CYP2C18: variants seen among roughly 807,000 people sequenced by gnomAD.
CYP2C18 encodes the protein cytochrome P450 2C18.
In CYP2C18, 38 loss-of-function variants were observed where a neutral mutation model predicts 41.3. The observed-to-expected ratio is 0.92, with a 90% CI of 0.71 to 1.21. The LOEUF is 1.21. CYP2C18 is among the 50% of genes most tolerant of loss of function. The probability of loss-of-function intolerance (pLI) is 0.00; values close to 1 mark genes in which losing one functional copy is unlikely to be tolerated. For synonymous variants in CYP2C18, 236 were observed against 210.0 expected, an observed-to-expected ratio of 1.12 and a Z score of -1.07; for missense variants, 635 against 591.4, an observed-to-expected ratio of 1.07 and a Z score of -0.77.
rs141271146 is a variant in CYP2C18 at position 94,694,991 on chromosome 10, C to T, written c.556C>T (p.Arg186Ter). 2.2e-5 allele frequency: 36 copies of T among 1,612,992 alleles called. No individual in the cohort carries two copies. Among genetic ancestry groups the T allele is most frequent in the African/African-American group, 6.7e-5 (5 of 74,846 alleles). ...GATCTGCTCTGTTATTTTCCATGAT[C>T]GATTTGATTATAAAGATCAGAGGTT... ...NVICSVIFHD[R>*]FDYKDQRFLN... is the part of the protein sequence containing the mutation. The change falls in exon 4 of 9, where the codon CGA becomes TGA. Residue 186 changes from arginine (R) to a stop codon, truncating the protein, a stop_gained. Coordinates refer to ENST00000285979, the MANE Select transcript of CYP2C18 (RefSeq NM_000772.3). LOFTEE classifies it high-confidence loss of function.
chr10:94,724,922 C>T (rs1847713442), intron 7 of CYP2C18, among the ~76,000 whole-genome samples: 1 of 151,884 alleles, frequency 6.6e-6, no homozygotes. Context: ...TTGAATCTTT[C>T]AATTCATGGA....
intron 5 of CYP2C18, among the ~76,000 whole-genome samples, chr10:94,707,239 T>A (rs1056242056): frequency 2.0e-5 from 3 of 152,186 alleles, no homozygotes; most frequent in Non-Finnish European, 4.4e-5. Context: ...TATAGCATCA[T>A]AAATTGAAGG....
intron 5 of CYP2C18, among the ~76,000 whole-genome samples, chr10:94,711,531 C>T (rs1224019726): frequency 6.6e-6 from 1 of 152,078 alleles, no homozygotes; most frequent in Non-Finnish European, 1.5e-5. Context: ...CCTCAGCCTC[C>T]CCAGTAGTTG....
Position 94,735,525 on chromosome 10 carries a change from C to A in CYP2C18, c.*81C>A. On this transcript the variant is annotated 3_prime_UTR_variant, in exon 9 of 9. Coordinates refer to ENST00000285979, the MANE Select transcript of CYP2C18 (RefSeq NM_000772.3). ...AGGGCCATTGGCCTCTCCCTTCTCT[C>A]TGTGAGGGATATTTTCTCTGACTTG... 7.4e-7 allele frequency: 1 copy of A among 1,353,456 alleles called. No individual in the cohort carries two copies. Among genetic ancestry groups the A allele is most frequent in the Non-Finnish European group, 1.0e-6 (1 of 957,318 alleles). 83.8% of individuals were successfully genotyped at this position (1,353,456 alleles called of 1,614,324 possible).
At chr10:94,707,909 G>A (rs1206380654) in intron 5 of CYP2C18, among the ~76,000 whole-genome samples, 1 of 152,116 alleles carries the variant, frequency 6.6e-6, no homozygotes, top group Non-Finnish European at 1.5e-5. Flanking sequence ...AATTTGAATA[G>A]TGGTAGGGTC....
intron 7 of CYP2C18, among the ~76,000 whole-genome samples, chr10:94,725,749 A>G (rs1457328534): frequency 6.6e-6 from 1 of 152,058 alleles, no homozygotes; most frequent in African/African-American, 2.4e-5. Flanking sequence ...TAGATATAAT[A>G]TATATATTAG....
intron 1 of CYP2C18, among the ~76,000 whole-genome samples, chr10:94,687,221 CA>C (rs1846903859): frequency 6.6e-6 from 1 of 152,118 alleles, no homozygotes; most frequent in South Asian, 2.1e-4. Flanking sequence ...CAGTGGATCT[CA>C]AAGTGGGCTG....
intron 3 of CYP2C18, among the ~76,000 whole-genome samples, chr10:94,690,927 A>G (rs1846986348): frequency 6.6e-6 from 1 of 152,202 alleles, no homozygotes; most frequent in African/African-American, 2.4e-5. Context: ...CAAAAACCAC[A>G]TGATTATCTC....
At chr10:94,688,853 C>A (rs974166073) in intron 3 of CYP2C18, among the ~76,000 whole-genome samples, 1 of 152,148 alleles carries the variant, frequency 6.6e-6, no homozygotes, top group Non-Finnish European at 1.5e-5. Context: ...TAGAACATTT[C>A]ACCAGGAATA....
intron 4 of CYP2C18, among the ~76,000 whole-genome samples, chr10:94,702,984 C>A (rs1847272757): frequency 1.3e-5 from 2 of 152,162 alleles, no homozygotes; most frequent in Admixed American, 6.5e-5. Context: ...TCCTAACAGT[C>A]AGGCCCCTCT....
intron 7 of CYP2C18, among the ~76,000 whole-genome samples, chr10:94,732,359 A>G (rs1329075201): frequency 6.6e-6 from 1 of 152,204 alleles, no homozygotes; most frequent in East Asian, 1.9e-4. Context: ...GGGAACACTT[A>G]TAGGCTCTTG....
intron 4 of CYP2C18, among the ~76,000 whole-genome samples, chr10:94,699,783 A>G (rs1011220368): frequency 1.3e-5 from 2 of 152,230 alleles, no homozygotes; most frequent in African/African-American, 4.8e-5. Flanking sequence ...GCAAGGTCTC[A>G]GGATACAAAA....
At chr10:94,698,968 G>A (rs1051603207) in intron 4 of CYP2C18, among the ~76,000 whole-genome samples, 6 of 152,186 alleles carry the variant, frequency 3.9e-5, no homozygotes, top group African/African-American at 1.4e-4. Flanking sequence ...AACAGGCTCT[G>A]AAATTGAGGC....
At chr10:94,684,570 T>C (rs1398161429) in intron 1 of CYP2C18, among the ~76,000 whole-genome samples, 2 of 152,192 alleles carry the variant, frequency 1.3e-5, no homozygotes, top group African/African-American at 2.4e-5. Flanking sequence ...TCATTGTACA[T>C]ATATGTCACA....
At chr10:94,720,200 C>A (rs1847624183) in intron 5 of CYP2C18, among the ~76,000 whole-genome samples, 196 bp from the exon 6 acceptor site, 1 of 152,072 alleles carries the variant, frequency 6.6e-6, no homozygotes, top group African/African-American at 2.4e-5. Flanking sequence ...TTTAGGCAAG[C>A]AATGGATAAG....
intron 4 of CYP2C18, among the ~76,000 whole-genome samples, chr10:94,703,698 G>T (rs1847284637): frequency 6.6e-6 from 1 of 152,196 alleles, no homozygotes; most frequent in African/African-American, 2.4e-5. Context: ...CTGTGAGCTA[G>T]ACCACTTGGC....
rs1357498491 is a variant in CYP2C18, at chr10:94,717,347, TC to T, written c.820-3047del. Among the ~76,000 whole-genome samples the T allele has an allele frequency of 8.5e-5, 13 of 152,292 alleles. No individual in the cohort carries two copies. The South Asian group carries it at 1.2e-3, about 15-fold the overall frequency. On this transcript the variant is annotated intron_variant, in intron 5 of 8. Coordinates refer to ENST00000285979, the MANE Select transcript of CYP2C18 (RefSeq NM_000772.3). ...GTTTTTGCTTTCCATGTTTAGTGCTTCCTTCTGGTGCTCTTGTAGGGCAGGC... is the reference window on the plus strand; with the variant it reads ...GTTTTTGCTTTCCATGTTTAGTGCTTCTTCTGGTGCTCTTGTAGGGCAGGC...
chr10:94,695,206 ATGGGTATACATGTGCCATGG>A, intron 4 of CYP2C18, 129 bp downstream of exon 4: 1 of 769,894 alleles, frequency 1.3e-6, no homozygotes, highest in South Asian at 1.8e-5. Context: ...GGTTTGTCAC[ATGGGTATACATGTGCCATGG>A]TGGTTTGCTG....
intron 4 of CYP2C18, among the ~76,000 whole-genome samples, chr10:94,696,909 G>A (rs1329036338): frequency 6.6e-6 from 1 of 152,160 alleles, no homozygotes; most frequent in Non-Finnish European, 1.5e-5. Flanking sequence ...ATGAAATGAA[G>A]TGAGAAGAGA....
Sources: allele counts gnomAD v4.1 joint callset (sites outside exome capture counted in the v4.1 genomes callset), GRCh38; gene constraint gnomAD v4.1.1; transcripts MANE v1.5; gene names NCBI Gene and HGNC (gene_info 2026-07-23, HGNC 2026-07-21).